The following CISD1 variants were observed in gnomAD, a reference collection of about 807,000 sequenced individuals.
The protein encoded by CISD1 is CDGSH iron-sulfur domain-containing protein 1.
CISD1 carries 8 observed loss-of-function variants against 12.0 expected under a neutral mutation model. That is an observed-to-expected ratio of 0.67 (90% CI 0.39 to 1.20). The LOEUF is 1.20. CISD1 is among the 50% of genes most tolerant of loss of function. The pLI is 0.01. For missense variants in CISD1, 107 were observed against 132.7 expected (o/e 0.81, Z 0.95); for synonymous variants, 38 against 42.2 (o/e 0.90, Z 0.39).
intron 2 of CISD1, among the ~76,000 whole-genome samples, chr10:58,278,205 A>T (rs1839336720): frequency 6.6e-6 from 1 of 152,208 alleles, no homozygotes; most frequent in African/African-American, 2.4e-5. Flanking sequence ...TGTGAGAAAT[A>T]TGGTATAAAC....
In CISD1 at chr10:58,287,940, T is replaced by G. The variant is rs1839447977; in HGVS notation, c.*290T>G. ...CTGACATATAGAGTTGTACCTTATA[T>G]AGAATATAGTTGTATCTTGAAGTCA... On this transcript the variant is annotated 3_prime_UTR_variant, in exon 3 of 3. Transcript: ENST00000333926. The G allele has an allele frequency of 8.1e-6, 2 of 248,352 alleles. No individual in the cohort carries two copies. The highest frequency in any genetic ancestry group is 1.1e-4 in the Admixed American group (2 of 18,434). The allele number at this position is 248,352 out of a possible 1,614,324, so 15.4% of individuals were successfully genotyped here.
chr10:58,286,317 T>C (rs1839429628), intron 2 of CISD1, among the ~76,000 whole-genome samples: 2 of 151,964 alleles, frequency 1.3e-5, no homozygotes, highest in Non-Finnish European at 2.9e-5. Context: ...CAACGTAACA[T>C]AGAACCTATA....
At chr10:58,287,429 T>C in intron 2 of CISD1, 132 bp from the exon 3 acceptor site, 2 of 530,224 alleles carry the variant, frequency 3.8e-6, no homozygotes, top group South Asian at 3.4e-5. Flanking sequence ...TTACATATGC[T>C]GTTTAAGAAA....
chr10:58,278,204 T>C (rs949861724), intron 2 of CISD1, among the ~76,000 whole-genome samples: 1 of 152,136 alleles, frequency 6.6e-6, no homozygotes, highest in African/African-American at 2.4e-5. Flanking sequence ...TTGTGAGAAA[T>C]ATGGTATAAA....
intron 2 of CISD1, among the ~76,000 whole-genome samples, chr10:58,279,198 T>C (rs912377130): frequency 6.6e-6 from 1 of 152,162 alleles, no homozygotes; most frequent in African/African-American, 2.4e-5. Flanking sequence ...TGTAAAATAT[T>C]GTATAAAATT....
rs761187845 is a variant in CISD1, at chr10:58,277,142, T to G, written c.57T>G (p.Ile19Met). Residue 19 changes from isoleucine (I) to methionine (M), a missense_variant, in exon 2 of 3, where the codon ATT becomes ATG. Coordinates refer to ENST00000333926, the MANE Select transcript of CISD1 (RefSeq NM_018464.5). Reference protein sequence around the residue: ...VRVEWIAAVTIAAGTAAIGYL... With the variant: ...VRVEWIAAVTMAAGTAAIGYL... The stretch of plus-strand genomic sequence containing the variant: ...TTGAATGGATCGCAGCAGTTACCAT[T>G]GCTGCTGGGACAGCTGCAATTGGTT... 54 of 1,609,730 alleles carry G rather than the reference T, an allele frequency of 3.4e-5. No homozygotes were observed. Among genetic ancestry groups the G allele is most frequent in the Non-Finnish European group, 4.3e-5 (51 of 1,177,778 alleles).
At chr10:58,273,937 C>T (rs572742329) in intron 1 of CISD1, among the ~76,000 whole-genome samples, 9 of 152,212 alleles carry the variant, frequency 5.9e-5, no homozygotes, top group South Asian at 2.1e-4. Context: ...AGTTCAAGAC[C>T]GGCCTGGCCA....
intron 1 of CISD1, among the ~76,000 whole-genome samples, chr10:58,276,747 CTTT>C (rs72357438): frequency 1.5e-5 from 2 of 130,734 alleles, no homozygotes. Flanking sequence ...TGTTTCGGGG[CTTT>C]TTTTTTTTTT....
At chr10:58,274,410 G>T (rs1395595266) in intron 1 of CISD1, among the ~76,000 whole-genome samples, 7 of 147,160 alleles carry the variant, frequency 4.8e-5, no homozygotes, top group Non-Finnish European at 1.5e-5. Flanking sequence ...TGATGATTCA[G>T]GCTACACTCA....
chr10:58,269,404 G>C (rs74675316), intron 1 of CISD1, 100 bp downstream of exon 1: 1 of 1,105,738 alleles, frequency 9.0e-7, no homozygotes. Context: ...CGCGCCCGCC[G>C]GTCCTATAAC....
intron 1 of CISD1, among the ~76,000 whole-genome samples, chr10:58,273,819 C>A (rs1218606194): frequency 6.6e-6 from 1 of 152,124 alleles, no homozygotes; most frequent in Non-Finnish European, 1.5e-5. Flanking sequence ...AATTAACTGT[C>A]CTTGAGAAAT....
intron 1 of CISD1, among the ~76,000 whole-genome samples, chr10:58,272,176 C>A (rs1839257250): frequency 6.6e-6 from 1 of 150,772 alleles, no homozygotes; most frequent in African/African-American, 2.5e-5. Context: ...TTTAGTGCCT[C>A]ATAAAGATTT....
In CISD1 at chr10:58,288,327, A is replaced by G. The variant is rs1839452608; in HGVS notation, c.*677A>G. ...AGGAGCCAATAGTGAAAATTTAGTT[A>G]AAGGTGATATTAGATTTAAATTAGT... On this transcript the variant is annotated 3_prime_UTR_variant, in exon 3 of 3. Transcript: ENST00000333926. 6.6e-6 allele frequency: 1 copy of G among 152,338 alleles called. No homozygotes were observed. Among genetic ancestry groups the G allele is most frequent in the African/African-American group, 2.4e-5 (1 of 41,456 alleles). The allele number at this position is 152,338 out of a possible 1,614,324, so 9.4% of individuals were successfully genotyped here. A position where few individuals can be genotyped will look rare whatever the true frequency, so the allele number is the denominator to read the frequency against.
intron 1 of CISD1, among the ~76,000 whole-genome samples, chr10:58,272,070 G>A (rs1839255992): frequency 6.6e-6 from 1 of 152,108 alleles, no homozygotes; most frequent in South Asian, 2.1e-4. Flanking sequence ...TTGCAAGGAA[G>A]ATGTTAACTC....
At chr10:58,272,789 C>G (rs551309539) in intron 1 of CISD1, among the ~76,000 whole-genome samples, 90 of 152,170 alleles carry the variant, frequency 5.9e-4, no homozygotes, top group African/African-American at 2.1e-3. Context: ...CATGGTGGCA[C>G]GCATCTGTAG....
At chr10:58,277,348 G>C (rs192150679) in intron 2 of CISD1, 26 bp downstream of exon 2, 1 of 1,430,244 alleles carries the variant, frequency 7.0e-7, no homozygotes, top group Non-Finnish European at 9.5e-7. Context: ...CCTTCATACA[G>C]TACCATTTTT....
chr10:58,272,539 T>A (rs924762266), intron 1 of CISD1, among the ~76,000 whole-genome samples: 42 of 152,336 alleles, frequency 2.8e-4, no homozygotes, highest in African/African-American at 1.0e-3. Context: ...TTTAAAGTCA[T>A]TATTTAAGGG....
chr10:58,287,635 G>GA lies in CISD1; in HGVS notation c.318dup (p.Glu107ArgfsTer8). On this transcript the variant is annotated frameshift_variant, in exon 3 of 3. Transcript: ENST00000333926. LOFTEE classifies it high-confidence loss of function. The stretch of plus-strand genomic sequence containing the variant: ...ACAATGTGGGCCCTCTGATCATCAA[G>GA]AAAAAAGAAACTTAAATGGACACTT... 6.2e-7 allele frequency: 1 copy of GA among 1,607,072 alleles called. No homozygotes were observed. The highest frequency in any genetic ancestry group is 8.5e-7 in the Non-Finnish European group (1 of 1,175,826).
intron 2 of CISD1, among the ~76,000 whole-genome samples, chr10:58,278,796 A>G (rs1256307631): frequency 6.6e-6 from 1 of 152,156 alleles, no homozygotes; most frequent in Non-Finnish European, 1.5e-5. Flanking sequence ...ATGACACCAC[A>G]AGTGGAAAAT....
Sources: allele counts gnomAD v4.1 joint callset (sites outside exome capture counted in the v4.1 genomes callset), GRCh38; gene constraint gnomAD v4.1.1; transcripts MANE v1.5; gene names NCBI Gene and HGNC (gene_info 2026-07-23, HGNC 2026-07-21).